The following ZBTB20 variants were observed in gnomAD, a reference collection of about 807,000 sequenced individuals.
ZBTB20 encodes zinc finger and BTB domain-containing protein 20.
ZBTB20 carries 9 observed loss-of-function variants against 56.9 expected under a neutral mutation model. The observed-to-expected ratio is 0.16, with a 90% CI of 0.10 to 0.28. The LOEUF (loss-of-function observed/expected upper bound fraction) is 0.28. ZBTB20 is among the 10% of genes least tolerant of loss of function. The probability of loss-of-function intolerance (pLI) is 1.00; values close to 1 mark genes in which losing one functional copy is unlikely to be tolerated. For missense variants in ZBTB20, 655 were observed against 1,003.0 expected (o/e 0.65, Z 4.69); for synonymous variants, 417 against 420.7 (o/e 0.99, Z 0.11).
intron 5 of ZBTB20, among the ~76,000 whole-genome samples, chr3:114,708,329 A>G (rs1215809364): frequency 6.6e-6 from 1 of 152,178 alleles, no homozygotes; most frequent in East Asian, 1.9e-4. Flanking sequence ...TTTTGGAAGA[A>G]AACTTTAAGA....
chr3:114,945,625 A>C (rs1009858971), intron 3 of ZBTB20, among the ~76,000 whole-genome samples: 2 of 145,630 alleles, frequency 1.4e-5, no homozygotes, highest in Non-Finnish European at 3.0e-5. Context: ...GACAGAAGAA[A>C]TGGGAAACAT....
chr3:115,141,978 T>C (rs1352404958), intron 1 of ZBTB20, among the ~76,000 whole-genome samples: 1 of 152,246 alleles, frequency 6.6e-6, no homozygotes, highest in Non-Finnish European at 1.5e-5. Flanking sequence ...TTCCATGAAC[T>C]CTGCACTTCA....
chr3:115,086,756 C>T (rs1488650931), intron 1 of ZBTB20, among the ~76,000 whole-genome samples: 1 of 151,724 alleles, frequency 6.6e-6, no homozygotes, highest in Non-Finnish European at 1.5e-5. Context: ...CTGTAGTGCA[C>T]TAGTCTGTGT....
chr3:114,863,174 T>C (rs2075608904), intron 4 of ZBTB20, among the ~76,000 whole-genome samples: 1 of 152,072 alleles, frequency 6.6e-6, no homozygotes, highest in Non-Finnish European at 1.5e-5. Flanking sequence ...TAGCAAAAAG[T>C]AAGTATACTG....
At chr3:115,027,811 T>C (rs995809912) in intron 2 of ZBTB20, among the ~76,000 whole-genome samples, 2 of 150,740 alleles carry the variant, frequency 1.3e-5, no homozygotes, top group African/African-American at 2.4e-5. Context: ...TTTTCAAAAT[T>C]GACTCTATAA....
At position 115,089,153 on chromosome 3, in the gene ZBTB20, A is replaced by AGAG. The variant is rs113593111; in HGVS notation, c.-702-17740_-702-17739insCTC. On this transcript the variant is annotated intron_variant, in intron 1 of 11. Coordinates refer to ENST00000675478, the MANE Select transcript of ZBTB20 (RefSeq NM_001348800.3). The stretch of plus-strand genomic sequence containing the variant: ...AAATGGAGGAACAGCCTGATTCTGA[A>AGAG]TAACTGCAAAGCAGAGTCAGAAATT... Among the ~76,000 whole-genome samples, 1,171 of 151,996 alleles carry AGAG rather than the reference A, an allele frequency of 7.7e-3. 17 individuals carry two copies. Among genetic ancestry groups the AGAG allele is most frequent in the African/African-American group, 0.026 (1,088 of 41,522 alleles).
At chr3:114,675,092 C>T (rs1212595818) in intron 6 of ZBTB20, among the ~76,000 whole-genome samples, 1 of 147,804 alleles carries the variant, frequency 6.8e-6, no homozygotes, top group Non-Finnish European at 1.5e-5. Flanking sequence ...TATATATATA[C>T]ACAATATTTT....
At chr3:114,691,332 A>C (rs1381986545) in intron 6 of ZBTB20, among the ~76,000 whole-genome samples, 3 of 152,150 alleles carry the variant, frequency 2.0e-5, no homozygotes, top group Non-Finnish European at 4.4e-5. Context: ...TCAACATAAC[A>C]TGGTGATATA....
chr3:115,044,276 G>A (rs1021537148), intron 2 of ZBTB20, among the ~76,000 whole-genome samples: 1 of 152,130 alleles, frequency 6.6e-6, no homozygotes, highest in Admixed American at 6.5e-5. Flanking sequence ...GCCAACCAGC[G>A]TAGGTTCACC....
At chr3:114,611,900 T>C (rs530567676) in intron 6 of ZBTB20, among the ~76,000 whole-genome samples, 8 of 152,322 alleles carry the variant, frequency 5.3e-5, no homozygotes, top group East Asian at 1.9e-4. Flanking sequence ...CAAATCCTTA[T>C]TGCATTCTAA....
At chr3:115,029,409 T>C (rs1165408100) in intron 2 of ZBTB20, among the ~76,000 whole-genome samples, 5 of 150,676 alleles carry the variant, frequency 3.3e-5, no homozygotes, top group African/African-American at 1.2e-4. Flanking sequence ...TGGTTAAGAA[T>C]AGCCAGTAAC....
chr3:114,893,934 T>C (rs1453425396), intron 4 of ZBTB20, among the ~76,000 whole-genome samples: 2 of 152,174 alleles, frequency 1.3e-5, no homozygotes, highest in African/African-American at 2.4e-5. Flanking sequence ...CAATTGTCAG[T>C]AAAAAATTCA....
intron 4 of ZBTB20, among the ~76,000 whole-genome samples, chr3:114,819,390 A>G (rs1167751340): frequency 6.6e-6 from 1 of 151,932 alleles, no homozygotes; most frequent in Non-Finnish European, 1.5e-5. Flanking sequence ...AAGCCAAAGC[A>G]TTTTTGAAAA....
intron 2 of ZBTB20, among the ~76,000 whole-genome samples, chr3:115,010,263 CA>C (rs2108258049): frequency 6.6e-6 from 1 of 152,020 alleles, no homozygotes; most frequent in East Asian, 2.0e-4. Context: ...GAATCTCAGG[CA>C]TTGAGCAAAT....
At chr3:114,503,253 T>C (rs763848584) in intron 6 of ZBTB20, among the ~76,000 whole-genome samples, 3 of 152,126 alleles carry the variant, frequency 2.0e-5, no homozygotes, top group Non-Finnish European at 1.5e-5. Context: ...TAAAACAAAT[T>C]AAAGCCAAGT....
At chr3:114,642,169 G>A (rs530887212) in intron 6 of ZBTB20, among the ~76,000 whole-genome samples, 42 of 152,126 alleles carry the variant, frequency 2.8e-4, no homozygotes, top group African/African-American at 9.9e-4. Flanking sequence ...GCTGACAAGA[G>A]ACTAAAGAGG....
intron 10 of ZBTB20, among the ~76,000 whole-genome samples, chr3:114,369,591 T>C (rs1460977699): frequency 6.6e-6 from 1 of 152,230 alleles, no homozygotes; most frequent in African/African-American, 2.4e-5. Context: ...GTATATCAGA[T>C]ACTTTTGTGT....
Position 114,351,015 on chromosome 3 carries a change from C to T in ZBTB20, c.1063G>A (p.Glu355Lys). Residue 355 changes from glutamate (E) to lysine (K), a missense_variant, in exon 11 of 12, where the codon GAG becomes AAG. Glu to Lys is a moderately conservative substitution (Grantham distance 56, BLOSUM62 1). Transcript: ENST00000675478. The part of the protein sequence containing the change: ...VQILERNESE[E>K]CTEDTDQAEG... ...GCCTGGTCTGTGTCTTCCGTGCACT[C>T]CTCGGATTCGTTGCGTTCCAGGATC... is the stretch of plus-strand genomic sequence containing the variant. 6.2e-7 allele frequency: 1 copy of T among 1,611,350 alleles called. No individual in the cohort carries two copies. Among genetic ancestry groups the T allele is most frequent in the Non-Finnish European group, 8.5e-7 (1 of 1,179,958 alleles).
At chr3:114,586,603 G>T (rs980212427) in intron 6 of ZBTB20, among the ~76,000 whole-genome samples, 2 of 152,152 alleles carry the variant, frequency 1.3e-5, no homozygotes, top group South Asian at 2.1e-4. Flanking sequence ...CTAATCCAGA[G>T]AACATTTTAA....
Sources: allele counts gnomAD v4.1 joint callset (sites outside exome capture counted in the v4.1 genomes callset), GRCh38; gene constraint gnomAD v4.1.1; transcripts MANE v1.5; gene names NCBI Gene and HGNC (gene_info 2026-07-23, HGNC 2026-07-21).